HSPBAP1: variants seen among roughly 807,000 people sequenced by gnomAD.
The protein encoded by HSPBAP1 is HSPB1-associated protein 1.
In HSPBAP1, 27 loss-of-function variants were observed where a neutral mutation model predicts 45.2. The observed-to-expected ratio is 0.60, with a 90% CI of 0.44 to 0.82. The LOEUF (loss-of-function observed/expected upper bound fraction) is 0.82, where lower values mean the gene tolerates loss of function less well. Among genes scored for constraint, HSPBAP1 ranks in the 40% least tolerant of loss-of-function variants. The pLI, the probability that HSPBAP1 is intolerant of heterozygous loss-of-function variation, is 0.00. For missense variants in HSPBAP1, 510 were observed against 590.9 expected, an observed-to-expected ratio of 0.86 and a Z score of 1.42; for synonymous variants, 204 against 202.7, an observed-to-expected ratio of 1.01 and a Z score of -0.06.
intron 4 of HSPBAP1, 57 bp downstream of exon 4, chr3:122,759,167 T>C: frequency 6.5e-7 from 1 of 1,539,930 alleles, no homozygotes. Context: ...CCCTATTGCA[T>C]GCATGCACAT....
At position 122,793,729 on chromosome 3, in the gene HSPBAP1, G is replaced by A; in HGVS notation, c.-49C>T. ...CGGAACCCAAGGCGGAGCGGAGCTG[G>A]GGTGGGGTCAGAGTAGGGGCCAAAC... On this transcript the variant is annotated 5_prime_UTR_variant, in exon 1 of 8. Coordinates refer to ENST00000306103, the MANE Select transcript of HSPBAP1 (RefSeq NM_024610.6). The A allele has an allele frequency of 1.3e-6, 2 of 1,590,900 alleles. No individual in the cohort carries two copies. Among genetic ancestry groups the A allele is most frequent in the Non-Finnish European group, 1.7e-6 (2 of 1,160,404 alleles).
intron 3 of HSPBAP1, among the ~76,000 whole-genome samples, chr3:122,766,496 T>G (rs1056989843): frequency 6.6e-6 from 1 of 152,200 alleles, no homozygotes; most frequent in African/African-American, 2.4e-5. Context: ...ATATCAGATT[T>G]TATAAGGGCT....
chr3:122,782,041 T>C (rs549363981), intron 1 of HSPBAP1, among the ~76,000 whole-genome samples: 35 of 152,220 alleles, frequency 2.3e-4, no homozygotes, highest in Admixed American at 1.6e-3. Flanking sequence ...AATGAAACTT[T>C]AGTGTTAAAA....
rs1387278132 is a variant in HSPBAP1 at position 122,741,011 on chromosome 3, G to A, written c.928C>T (p.Pro310Ser). Residue 310 changes from proline (P) to serine (S), a missense_variant, in exon 7 of 8, where the codon CCC becomes TCC. By Grantham distance (74) the Pro-to-Ser change is moderately conservative (BLOSUM62 -1). Transcript: ENST00000306103. ...NPQNTRAWLN[P>S]TEVEETSHAV... ...GACCAGAAGCCGCCTACCTCAGTGG[G>A]GTTTAACCAGGCTCTGGTATTTTGT... The A allele has an allele frequency of 2.5e-6, 4 of 1,613,552 alleles. No individual in the cohort carries two copies. The highest frequency in any genetic ancestry group is 3.4e-6 in the Non-Finnish European group (4 of 1,179,622).
chr3:122,761,619 T>G (rs1934585848), intron 3 of HSPBAP1: 1 of 150,402 alleles, frequency 6.6e-6, no homozygotes, highest in Non-Finnish European at 1.5e-5. Flanking sequence ...AAAAAGGTTT[T>G]TTTTTTTTTT....
At chr3:122,791,469 T>C (rs2107547584) in intron 1 of HSPBAP1, among the ~76,000 whole-genome samples, 1 of 152,360 alleles carries the variant, frequency 6.6e-6, no homozygotes, top group African/African-American at 2.4e-5. Context: ...GTGCCTGGCA[T>C]TGTACTAGCA....
chr3:122,780,758 C>A (rs1478621381), intron 1 of HSPBAP1, among the ~76,000 whole-genome samples: 1 of 149,460 alleles, frequency 6.7e-6, no homozygotes, highest in Non-Finnish European at 1.5e-5. Flanking sequence ...ACTTCTCAGA[C>A]GGGGCGGCTG....
At chr3:122,762,301 C>A (rs1393313798) in intron 3 of HSPBAP1, among the ~76,000 whole-genome samples, 1 of 151,326 alleles carries the variant, frequency 6.6e-6, no homozygotes, top group Middle Eastern at 3.2e-3. Context: ...GACACAGCAG[C>A]ATTAACTTTT....
At chr3:122,743,520 C>T (rs1272288092) in intron 6 of HSPBAP1, among the ~76,000 whole-genome samples, 2 of 151,996 alleles carry the variant, frequency 1.3e-5, no homozygotes, top group African/African-American at 4.8e-5. Flanking sequence ...GGGCCGAGAT[C>T]GAGCCATTGC....
chr3:122,778,830 C>T (rs2107532473), intron 1 of HSPBAP1, among the ~76,000 whole-genome samples: 1 of 151,758 alleles, frequency 6.6e-6, no homozygotes, highest in South Asian at 2.1e-4. Flanking sequence ...GCACCCGGCC[C>T]ACACAGTCTA....
intron 6 of HSPBAP1, among the ~76,000 whole-genome samples, chr3:122,745,994 G>A (rs1023937328): frequency 2.0e-5 from 3 of 152,172 alleles, no homozygotes; most frequent in African/African-American, 7.2e-5. Flanking sequence ...GTAGGTGGAA[G>A]GCATGAACAG....
intron 3 of HSPBAP1, among the ~76,000 whole-genome samples, chr3:122,767,137 T>G (rs1424162198): frequency 6.6e-6 from 1 of 152,180 alleles, no homozygotes; most frequent in Non-Finnish European, 1.5e-5. Context: ...TAAAAATGAG[T>G]AAATAGTAGA....
At chr3:122,743,750 C>T (rs1297490317) in intron 6 of HSPBAP1, among the ~76,000 whole-genome samples, 1 of 152,048 alleles carries the variant, frequency 6.6e-6, no homozygotes, top group Admixed American at 6.6e-5. Flanking sequence ...GATAGATGGA[C>T]AGATAATGTG....
rs572143554 is a variant in HSPBAP1, at chr3:122,747,277, G to A, written c.825+5314C>T. Among the ~76,000 whole-genome samples, 331 of 151,612 alleles carry A rather than the reference G, an allele frequency of 2.2e-3. 3 individuals are homozygous for A. The highest frequency in any genetic ancestry group is 0.014 in the Middle Eastern group (4 of 290). ...GTCTCTGCCCGGCCGCCCATCGTCT[G>A]AGATGTGGGGAGCGCCTCTGCCCGG... On this transcript the variant is annotated intron_variant, in intron 6 of 7. Coordinates refer to ENST00000306103, the MANE Select transcript of HSPBAP1 (RefSeq NM_024610.6).
At chr3:122,774,209 G>A (rs942113216) in intron 2 of HSPBAP1, among the ~76,000 whole-genome samples, 1 of 152,176 alleles carries the variant, frequency 6.6e-6, no homozygotes, top group African/African-American at 2.4e-5. Flanking sequence ...TTACAACTGT[G>A]CTAAGTGTTA....
chr3:122,780,815 A>G (rs1193068676), intron 1 of HSPBAP1, among the ~76,000 whole-genome samples: 137 of 133,220 alleles, frequency 1.0e-3, no homozygotes, highest in African/African-American at 3.5e-3. Context: ...GTTGCCAGGC[A>G]GAGGGTCTCC....
intron 3 of HSPBAP1, among the ~76,000 whole-genome samples, chr3:122,760,270 GA>G (rs1217812500): frequency 2.6e-5 from 3 of 116,286 alleles, no homozygotes; most frequent in African/African-American, 8.1e-5. Context: ...AGCTAGAAAA[GA>G]AAAAAAACAT....
intron 6 of HSPBAP1, among the ~76,000 whole-genome samples, chr3:122,752,322 G>T (rs2107505284): frequency 6.6e-6 from 1 of 152,190 alleles, no homozygotes; most frequent in South Asian, 2.1e-4. Context: ...AACAACACTG[G>T]TCAAGGGAAA....
intron 6 of HSPBAP1, among the ~76,000 whole-genome samples, chr3:122,742,068 C>T (rs1002379979): frequency 6.6e-6 from 1 of 151,298 alleles, no homozygotes; most frequent in Non-Finnish European, 1.5e-5. Flanking sequence ...GAAACATGTA[C>T]AAGAATATTC....
Sources: allele counts gnomAD v4.1 joint callset (sites outside exome capture counted in the v4.1 genomes callset), GRCh38; gene constraint gnomAD v4.1.1; transcripts MANE v1.5; gene names NCBI Gene and HGNC (gene_info 2026-07-23, HGNC 2026-07-21).